The following ASIC2 variants were observed in gnomAD, a reference collection of about 807,000 sequenced individuals.
ASIC2 encodes the protein acid sensing ion channel subunit 2.
Under a neutral mutation model 57.3 loss-of-function variants are expected in ASIC2, and 25 were observed. That is an observed-to-expected ratio of 0.44 (90% CI 0.32 to 0.61). The LOEUF (loss-of-function observed/expected upper bound fraction) is 0.61. Among genes scored for constraint, ASIC2 ranks in the 20% least tolerant of loss-of-function variants. The pLI is 0.06. For synonymous variants in ASIC2, 319 were observed against 307.5 expected, an observed-to-expected ratio of 1.04 and a Z score of -0.39; for missense variants, 641 against 738.1, an observed-to-expected ratio of 0.87 and a Z score of 1.52.
chr17:33,023,730 C>T (rs748464463), intron 6 of ASIC2, 131 bp downstream of exon 6: 11 of 1,245,676 alleles, frequency 8.8e-6, no homozygotes, highest in Non-Finnish European at 1.2e-5. Context: ...GAGCGTGACA[C>T]ACAGAGGGTG....
intron 1 of ASIC2, among the ~76,000 whole-genome samples, chr17:33,552,892 G>C (rs1567647942): frequency 6.6e-6 from 1 of 152,236 alleles, no homozygotes; most frequent in Non-Finnish European, 1.5e-5. Flanking sequence ...GGGAAGTGCT[G>C]CTGGGCTCTC....
intron 1 of ASIC2, among the ~76,000 whole-genome samples, chr17:34,088,313 C>A (rs1027727560): frequency 1.3e-5 from 2 of 152,338 alleles, no homozygotes; most frequent in East Asian, 1.9e-4. Flanking sequence ...CCACTCCAGA[C>A]CCTGTTTGCC....
At chr17:33,760,845 G>C (rs1306305705) in intron 1 of ASIC2, among the ~76,000 whole-genome samples, 1 of 152,106 alleles carries the variant, frequency 6.6e-6, no homozygotes, top group Non-Finnish European at 1.5e-5. Flanking sequence ...TTAAATTTAA[G>C]AGTGGTCCTG....
At chr17:34,086,404 T>TG (rs1910114027) in intron 1 of ASIC2, among the ~76,000 whole-genome samples, 1 of 152,078 alleles carries the variant, frequency 6.6e-6, no homozygotes, top group Non-Finnish European at 1.5e-5. Flanking sequence ...GTCTGAGAGA[T>TG]AGTTTGTTAT....
chr17:33,989,138 T>C (rs919255800), intron 1 of ASIC2, among the ~76,000 whole-genome samples: 7 of 152,210 alleles, frequency 4.6e-5, no homozygotes, highest in African/African-American at 1.7e-4. Flanking sequence ...TTTTTCTTGT[T>C]AGTGAGACAT....
At chr17:33,647,120 T>C (rs1906765602) in intron 1 of ASIC2, among the ~76,000 whole-genome samples, 1 of 152,100 alleles carries the variant, frequency 6.6e-6, no homozygotes, top group Non-Finnish European at 1.5e-5. Context: ...TTGAATGGTG[T>C]ATGAAAATGA....
intron 1 of ASIC2, among the ~76,000 whole-genome samples, chr17:33,711,645 A>G (rs1297567331): frequency 1.3e-5 from 2 of 152,186 alleles, no homozygotes; most frequent in Non-Finnish European, 1.5e-5. Flanking sequence ...AGGTGAAGGG[A>G]AAGCAAGCAC....
chr17:33,317,846 C>A (rs1296119952), intron 1 of ASIC2, among the ~76,000 whole-genome samples: 1 of 150,742 alleles, frequency 6.6e-6, no homozygotes, highest in Non-Finnish European at 1.5e-5. Flanking sequence ...TTCAGCTGGG[C>A]TTTTGATTTT....
At chr17:33,434,742 G>T (rs1473198854) in intron 1 of ASIC2, among the ~76,000 whole-genome samples, 1 of 152,184 alleles carries the variant, frequency 6.6e-6, no homozygotes, top group East Asian at 1.9e-4. Flanking sequence ...TGATAGTAAA[G>T]GTTTGGCAGT....
rs373273029 is a variant in ASIC2 at position 33,476,503 on chromosome 17, GCATATATA to G, written c.556-364444_556-364437del. Reference sequence around the variant, plus strand: ...AAAACCTTTTGCAAAGTGTGTGTGTGCATATATATATATATATATATATATATATATAT... The same window carrying G: ...AAAACCTTTTGCAAAGTGTGTGTGTGTATATATATATATATATATATATAT... On this transcript the variant is annotated intron_variant, in intron 1 of 9. Transcript: ENST00000359872. Among the ~76,000 whole-genome samples the G allele has an allele frequency of 5.8e-3, 555 of 95,270 alleles. 2 individuals carry two copies. The highest frequency in any genetic ancestry group is 0.014 in the South Asian group (44 of 3,062). 62.5% of individuals were successfully genotyped at this position (95,270 alleles called of 152,430 possible).
At chr17:33,498,113 C>T (rs1913993365) in intron 1 of ASIC2, among the ~76,000 whole-genome samples, 1 of 152,166 alleles carries the variant, frequency 6.6e-6, no homozygotes, top group African/African-American at 2.4e-5. Context: ...ATAGAATCAT[C>T]CCCATGTTTC....
At chr17:33,604,177 C>A (rs977760069) in intron 1 of ASIC2, among the ~76,000 whole-genome samples, 3 of 152,066 alleles carry the variant, frequency 2.0e-5, no homozygotes, top group African/African-American at 7.2e-5. Flanking sequence ...CAGGAAGGGG[C>A]CCCCAGGCAT....
intron 1 of ASIC2, among the ~76,000 whole-genome samples, chr17:33,898,130 T>C (rs1483478493): frequency 1.3e-5 from 2 of 151,898 alleles, no homozygotes; most frequent in East Asian, 3.8e-4. Context: ...GCTCTGCCCA[T>C]ATTTCTTTCT....
In ASIC2 at chr17:33,976,158, C is replaced by A. The variant is rs556494588; in HGVS notation, c.555+179820G>T. ...TTTACAGATGATCTTGGATCATTTA[C>A]AGATCCAAGATCATCTGTAAATGGG... On this transcript the variant is annotated intron_variant, in intron 1 of 9. Coordinates refer to the ASIC2 transcript ENST00000359872. Among the ~76,000 whole-genome samples the A allele has an allele frequency of 7.9e-3, 1,181 of 148,580 alleles. 10 individuals are homozygous for A. Among genetic ancestry groups the A allele is most frequent in the African/African-American group, 0.027 (1,099 of 40,320 alleles).
intron 1 of ASIC2, among the ~76,000 whole-genome samples, chr17:33,871,515 G>A (rs977007029): frequency 2.6e-5 from 4 of 152,170 alleles, no homozygotes; most frequent in Admixed American, 6.5e-5. Flanking sequence ...CGGGCAGGGA[G>A]CGGCTAGGAA....
chr17:33,932,317 A>G (rs748583433), intron 1 of ASIC2, among the ~76,000 whole-genome samples: 6 of 152,204 alleles, frequency 3.9e-5, no homozygotes, highest in African/African-American at 7.2e-5. Context: ...GATTTTGAAG[A>G]CAGTATGACA....
chr17:33,812,451 A>T (rs1379385519), intron 1 of ASIC2, among the ~76,000 whole-genome samples: 1 of 152,146 alleles, frequency 6.6e-6, no homozygotes, highest in Non-Finnish European at 1.5e-5. Context: ...GCAAGACAAT[A>T]AGATGCTGGT....
chr17:33,680,328 C>T (rs973350688), intron 1 of ASIC2, among the ~76,000 whole-genome samples: 12 of 152,086 alleles, frequency 7.9e-5, no homozygotes, highest in Non-Finnish European at 7.4e-5. Flanking sequence ...ACCTGCAGGA[C>T]CTACAGTGAG....
chr17:33,597,145 T>G (rs571611896), intron 1 of ASIC2, among the ~76,000 whole-genome samples: 3 of 152,354 alleles, frequency 2.0e-5, no homozygotes, highest in African/African-American at 7.2e-5. Flanking sequence ...TTCATTCCCA[T>G]CAACCCAGCG....
Sources: allele counts gnomAD v4.1 joint callset (sites outside exome capture counted in the v4.1 genomes callset), GRCh38; gene constraint gnomAD v4.1.1; transcripts MANE v1.5; gene names NCBI Gene and HGNC (gene_info 2026-07-23, HGNC 2026-07-21).